CSMD1: variants seen among roughly 807,000 people sequenced by gnomAD.
CSMD1 encodes CUB and sushi domain-containing protein 1.
Under a neutral mutation model 417.5 loss-of-function variants are expected in CSMD1, and 213 were observed. The observed-to-expected ratio is 0.51, with a 90% confidence interval of 0.46 to 0.57. The LOEUF is 0.57. Ranked by LOEUF, CSMD1 falls within the 20% of genes least tolerant of loss-of-function variation. The pLI is 0.00. For missense variants in CSMD1, 6,923 were observed against 4,529.7 expected (o/e 1.53, Z -15.17); for synonymous variants, 2,862 against 1,736.8 (o/e 1.65, Z -16.11).
rs141326214 is a variant in CSMD1 at position 3,320,525 on chromosome 8, T to C, written c.3632-12022A>G. The stretch of plus-strand genomic sequence containing the variant: ...TGTTATGACTCATAGGCTGATACTT[T>C]TTTTATTCTACAACTAATAAATACA... On this transcript the variant is annotated intron_variant, in intron 23 of 69. Transcript: ENST00000635120. Among the ~76,000 whole-genome samples, 188 of 152,366 alleles carry C rather than the reference T, an allele frequency of 1.2e-3. 2 individuals are homozygous for C. Among genetic ancestry groups the C allele is most frequent in the African/African-American group, 4.3e-3 (180 of 41,586 alleles).
rs1798695830 is a variant in CSMD1, at chr8:4,056,450, A to G, written c.416-24351T>C. Among the ~76,000 whole-genome samples, 4 of 145,872 alleles carry G rather than the reference A, an allele frequency of 2.7e-5. No individual in the cohort carries two copies. The Admixed American group carries it at 2.7e-4, about 10-fold the overall frequency. ...GCCAAACTAACATTAAAATTTATTTATGATATTAAAATACACAAATAGTTT... is the reference window on the plus strand; with the variant it reads ...GCCAAACTAACATTAAAATTTATTTGTGATATTAAAATACACAAATAGTTT... On this transcript the variant is annotated intron_variant, in intron 3 of 69. Transcript: ENST00000635120.
At chr8:4,466,898 AAAT>A (rs1800205203) in intron 2 of CSMD1, among the ~76,000 whole-genome samples, 1 of 152,008 alleles carries the variant, frequency 6.6e-6, no homozygotes, top group Non-Finnish European at 1.5e-5. Flanking sequence ...AATTATATTG[AAAT>A]TTTACAGTGT....
intron 3 of CSMD1, among the ~76,000 whole-genome samples, chr8:4,063,049 A>C (rs2554703): frequency 2.6e-5 from 4 of 152,098 alleles, no homozygotes; most frequent in African/African-American, 9.7e-5. Context: ...GTTGGCTAAT[A>C]GGGATAAATA....
intron 26 of CSMD1, among the ~76,000 whole-genome samples, chr8:3,251,031 G>A (rs573001010): frequency 1.5e-4 from 23 of 152,214 alleles, no homozygotes; most frequent in African/African-American, 5.1e-4. Flanking sequence ...CACTCTGATG[G>A]TAGTTTCTTT....
chr8:4,961,722 C>A (rs899171719), intron 1 of CSMD1, among the ~76,000 whole-genome samples: 1 of 151,946 alleles, frequency 6.6e-6, no homozygotes, highest in Admixed American at 6.6e-5. Flanking sequence ...TTTTATTTGG[C>A]TGATATTTTT....
At chr8:3,536,920 C>G (rs1331057892) in intron 10 of CSMD1, among the ~76,000 whole-genome samples, 3 of 152,168 alleles carry the variant, frequency 2.0e-5, no homozygotes, top group African/African-American at 2.4e-5. Flanking sequence ...TGTACGATTG[C>G]CCTAGTCGTC....
At chr8:3,398,898 G>A (rs1437323880) in intron 16 of CSMD1, among the ~76,000 whole-genome samples, 1 of 152,140 alleles carries the variant, frequency 6.6e-6, no homozygotes, top group Admixed American at 6.6e-5. Context: ...ACATTCTAGT[G>A]ATAATGTCAC....
chr8:4,681,617 T>C (rs1342097943), intron 1 of CSMD1, among the ~76,000 whole-genome samples: 2 of 152,220 alleles, frequency 1.3e-5, no homozygotes, highest in African/African-American at 4.8e-5. Context: ...AATATTACTC[T>C]GTGGCTTCAC....
intron 3 of CSMD1, among the ~76,000 whole-genome samples, chr8:4,039,449 T>A (rs1489690536): frequency 6.6e-6 from 1 of 152,232 alleles, no homozygotes; most frequent in African/African-American, 2.4e-5. Context: ...TTTCCTAGTC[T>A]TGAAACCTTA....
chr8:3,449,466 T>C (rs1815546461), intron 12 of CSMD1, among the ~76,000 whole-genome samples: 1 of 152,110 alleles, frequency 6.6e-6, no homozygotes, highest in African/African-American at 2.4e-5. Flanking sequence ...TTTTTTCTTA[T>C]GCTATATTTT....
intron 1 of CSMD1, among the ~76,000 whole-genome samples, chr8:4,943,035 C>G (rs1808120931): frequency 6.6e-6 from 1 of 151,902 alleles, no homozygotes; most frequent in African/African-American, 2.4e-5. Context: ...TTGAGGAAGA[C>G]CAAATCAAGA....
chr8:3,912,277 T>C (rs1808512502), intron 5 of CSMD1, among the ~76,000 whole-genome samples: 1 of 152,156 alleles, frequency 6.6e-6, no homozygotes, highest in Non-Finnish European at 1.5e-5. Flanking sequence ...CAAAAAACAA[T>C]ATACGGAGGG....
chr8:3,749,975 G>A (rs1357020709), intron 6 of CSMD1, among the ~76,000 whole-genome samples: 1 of 152,102 alleles, frequency 6.6e-6, no homozygotes, highest in Admixed American at 6.6e-5. Flanking sequence ...TGGTAAAACA[G>A]TTTTCTAAAA....
intron 5 of CSMD1, among the ~76,000 whole-genome samples, chr8:3,900,323 AT>A (rs2129133130): frequency 6.9e-6 from 1 of 145,522 alleles, no homozygotes; most frequent in East Asian, 2.0e-4. Context: ...GTGCAGCTGG[AT>A]GACACTACAG....
At chr8:3,867,986 G>A (rs1463613569) in intron 5 of CSMD1, among the ~76,000 whole-genome samples, 4 of 152,092 alleles carry the variant, frequency 2.6e-5, no homozygotes, top group South Asian at 2.1e-4. Context: ...GGAGACCCAA[G>A]ATTCTCAGGT....
intron 59 of CSMD1, among the ~76,000 whole-genome samples, chr8:2,965,021 C>A (rs1416417257): frequency 1.3e-5 from 2 of 152,294 alleles, no homozygotes; most frequent in East Asian, 1.9e-4. Flanking sequence ...TGACAGCTTT[C>A]AAGCCCCTCT....
At chr8:4,631,773 TC>T (rs1802532596) in intron 2 of CSMD1, among the ~76,000 whole-genome samples, 2 of 152,342 alleles carry the variant, frequency 1.3e-5, no homozygotes, top group Admixed American at 1.3e-4. Flanking sequence ...TCTAACCTCT[TC>T]ATTATCAGCA....
At chr8:4,018,303 C>G (rs185303924) in intron 4 of CSMD1, among the ~76,000 whole-genome samples, 1 of 151,906 alleles carries the variant, frequency 6.6e-6, no homozygotes, top group Non-Finnish European at 1.5e-5. Flanking sequence ...CAGTCTGTGG[C>G]CATTTTTATC....
In CSMD1 at chr8:3,724,794, T is replaced by C. The variant is rs193280450; in HGVS notation, c.932-16303A>G. Among the ~76,000 whole-genome samples, 7 of 152,342 alleles carry C rather than the reference T, an allele frequency of 4.6e-5. No individual in the cohort carries two copies. The East Asian group carries it at 9.6e-4, about 21-fold the overall frequency. ...AAAGCCATAAGAATACCAGCAGTAC[T>C]TTGCCATCAGCAGAAACTGTAGGTA... On this transcript the variant is annotated intron_variant, in intron 6 of 69. Coordinates refer to ENST00000635120, the MANE Select transcript of CSMD1 (RefSeq NM_033225.6).
Sources: gnomAD v4.1 joint callset for allele counts (sites outside exome capture counted in the v4.1 genomes callset) on GRCh38, gnomAD v4.1.1 for gene constraint, MANE v1.5 for transcripts, NCBI Gene and HGNC (gene_info 2026-07-23, HGNC 2026-07-21) for gene names.